ALG1L2: variants seen among roughly 807,000 people sequenced by gnomAD.
ALG1L2 encodes the protein ALG1 chitobiosyldiphosphodolichol beta-mannosyltransferase like 2.
ALG1L2 carries 32 observed loss-of-function variants against 29.0 expected under a neutral mutation model. The observed-to-expected ratio is 1.10, with a 90% CI of 0.83 to 1.48. ALG1L2 has a LOEUF of 1.48. Ranked by LOEUF, ALG1L2 falls within the 40% of genes most tolerant of loss-of-function variation. The probability of loss-of-function intolerance (pLI) is 0.00; values close to 1 mark genes in which losing one functional copy is unlikely to be tolerated. For missense variants in ALG1L2, 318 were observed against 274.1 expected, an observed-to-expected ratio of 1.16 and a Z score of -1.13; for synonymous variants, 110 against 109.5, an observed-to-expected ratio of 1.00 and a Z score of -0.03.
chr3:130,090,665 A>AT (rs1189577571), intron 1 of ALG1L2: 1 of 152,808 alleles, frequency 6.5e-6, no homozygotes, highest in African/African-American at 2.4e-5. Context: ...AAAGCTCTCG[A>AT]TTAATATACC....
chr3:130,097,121 G>C, intron 6 of ALG1L2, 54 bp from the exon 7 acceptor site: 2 of 1,603,974 alleles, frequency 1.2e-6, no homozygotes, highest in South Asian at 1.1e-5. Flanking sequence ...GGGCACCCCA[G>C]GGGTCTAGTG....
rs376901454 is a variant in ALG1L2 at position 130,092,161 on chromosome 3, C to T, written c.192C>T (p.Ser64=). ...CCTTCACGGAGCGGGATTCTGGGAG[C>T]GGGCTGGTGACGCGTCTCCACGAGC... ...RSAFTERDSG[S]GLVTRLHERP... The change falls in exon 3 of 8, where the codon AGC becomes AGT. Residue 64 remains serine, a synonymous_variant. Coordinates refer to ENST00000425059, the MANE Select transcript of ALG1L2 (RefSeq NM_001136152.1). 85 of 1,613,372 alleles carry T rather than the reference C, an allele frequency of 5.3e-5. No homozygotes were observed. In the South Asian group the frequency reaches 7.6e-4, roughly 14 times the overall value.
chr3:130,092,850 G>A (rs1935046997), intron 3 of ALG1L2, among the ~76,000 whole-genome samples: 1 of 152,048 alleles, frequency 6.6e-6, no homozygotes, highest in Non-Finnish European at 1.5e-5. Flanking sequence ...GGCCAACATG[G>A]CGAAACCTGT....
chr3:130,094,492 C>G lies in ALG1L2; in HGVS notation c.403C>G (p.Arg135Gly), dbSNP rs757397608. 3 of 1,594,706 alleles carry G rather than the reference C, an allele frequency of 1.9e-6. No individual in the cohort carries two copies. Among genetic ancestry groups the G allele is most frequent in the South Asian group, 1.1e-5 (1 of 90,938 alleles). Residue 135 changes from arginine (R) to glycine (G), a missense_variant, in exon 5 of 8, where the codon CGA becomes GGA. Coordinates refer to ENST00000425059, the MANE Select transcript of ALG1L2 (RefSeq NM_001136152.1). ...GGTCTGCATCCCCTGGCTGGAGGGC[C>G]GAGGACTACCCCCGCTTCTAGGTGA... ...IQVCIPWLEG[R>G]GLPPLLGSVD...
intron 1 of ALG1L2, among the ~76,000 whole-genome samples, chr3:130,087,387 C>T (rs1477948516): frequency 1.4e-5 from 2 of 147,948 alleles, no homozygotes; most frequent in Non-Finnish European, 3.0e-5. Context: ...AGGATCTGTT[C>T]CAGGCTAAAA....
chr3:130,084,913 AG>A, intron 1 of ALG1L2, among the ~76,000 whole-genome samples: 1 of 129,596 alleles, frequency 7.7e-6, no homozygotes, highest in South Asian at 2.4e-4. Context: ...ACATATATGT[AG>A]TGTGTGTGTG....
At position 130,091,205 on chromosome 3, in the gene ALG1L2, A is replaced by G. The variant is rs535664290; in HGVS notation, c.21-56A>G. On this transcript the variant is annotated intron_variant, in intron 1 of 7. Coordinates refer to ENST00000425059, the MANE Select transcript of ALG1L2 (RefSeq NM_001136152.1). ...TGGAACCCAAATGAGTGGTTTGAGC[A>G]GAAAGTAGCCTCCATGCTGGACTAA... 135 of 1,541,496 alleles carry G rather than the reference A, an allele frequency of 8.8e-5. No homozygotes were observed. The East Asian group carries it at 3.0e-3, about 34-fold the overall frequency.
chr3:130,088,508 C>T (rs905609761), intron 1 of ALG1L2, among the ~76,000 whole-genome samples: 4 of 152,306 alleles, frequency 2.6e-5, no homozygotes, highest in Non-Finnish European at 4.4e-5. Context: ...ACCTCTGCCT[C>T]CTGGATTTAA....
At position 130,092,026 on chromosome 3, in the gene ALG1L2, C is replaced by T. The variant is rs754835387; in HGVS notation, c.132-75C>T. 121 of 1,585,594 alleles carry T rather than the reference C, an allele frequency of 7.6e-5. 1 individual carries two copies. The highest frequency in any genetic ancestry group is 2.6e-4 in the South Asian group (23 of 87,794). On this transcript the variant is annotated intron_variant, in intron 2 of 7. Transcript: ENST00000425059. Reference sequence around the variant, plus strand: ...ACCGTTGGGAGCCTGCAGGCCTCACCATGGCAGGAGATGCCCGTTCTGGGT... The same window carrying T: ...ACCGTTGGGAGCCTGCAGGCCTCACTATGGCAGGAGATGCCCGTTCTGGGT...
intron 1 of ALG1L2, among the ~76,000 whole-genome samples, chr3:130,090,309 T>G (rs111503935): frequency 2.6e-5 from 4 of 152,086 alleles, no homozygotes; most frequent in African/African-American, 9.6e-5. Flanking sequence ...GAGCTGAGAT[T>G]GCACCAAGGC....
chr3:130,095,958 C>G, intron 5 of ALG1L2, 91 bp from the exon 6 acceptor site: 1 of 1,380,612 alleles, frequency 7.2e-7, no homozygotes, highest in Middle Eastern at 2.5e-4. Context: ...AATTTTCACT[C>G]CCCTCGGGGG....
chr3:130,096,309 G>A (rs112238816), intron 6 of ALG1L2, 146 bp downstream of exon 6: 18 of 776,946 alleles, frequency 2.3e-5, no homozygotes, highest in Admixed American at 1.7e-4. Flanking sequence ...GGAGCCCTGC[G>A]GTTACTGTGG....
intron 1 of ALG1L2, among the ~76,000 whole-genome samples, chr3:130,086,525 A>G (rs1934893470): frequency 2.0e-5 from 3 of 149,880 alleles, no homozygotes; most frequent in African/African-American, 7.5e-5. Flanking sequence ...TAAATAAAAT[A>G]AATTAGCCAG....
intron 7 of ALG1L2, 30 bp from the exon 8 acceptor site, chr3:130,098,193 A>C (rs1167452442): frequency 5.6e-6 from 9 of 1,596,084 alleles, no homozygotes; most frequent in Non-Finnish European, 7.6e-6. Flanking sequence ...TGGGGTGGGG[A>C]CAGGCAATGA....
At chr3:130,095,600 C>G (rs1935112964) in intron 5 of ALG1L2, among the ~76,000 whole-genome samples, 1 of 151,030 alleles carries the variant, frequency 6.6e-6, no homozygotes, top group Non-Finnish European at 1.5e-5. Context: ...TGACGCTTCG[C>G]TAATTTTACA....
intron 1 of ALG1L2, among the ~76,000 whole-genome samples, chr3:130,087,483 G>A (rs1404204538): frequency 3.7e-5 from 5 of 135,688 alleles, no homozygotes; most frequent in Non-Finnish European, 8.5e-5. Context: ...GTTAACTGGC[G>A]AAATCTGAAT....
chr3:130,092,573 G>A (rs545211097), intron 3 of ALG1L2, among the ~76,000 whole-genome samples: 8 of 152,254 alleles, frequency 5.3e-5, no homozygotes, highest in African/African-American at 1.9e-4. Flanking sequence ...AGTAGGGGTG[G>A]TGGAGGTGGG....
chr3:130,091,262 G>T lies in ALG1L2; in HGVS notation c.22G>T (p.Ala8Ser), dbSNP rs753068506. MGATAGW[A>S]VTVYDKPASF... is the part of the protein sequence containing the mutation. ...AGCCCTGCCATGATTTCATTGCAGG[G>T]CTGTGACCGTCTACGACAAGCCGGC... is the stretch of plus-strand genomic sequence containing the variant. Residue 8 changes from alanine to serine, a missense_variant and splice_region_variant, in exon 2 of 8, where the codon GCT becomes TCT. By Grantham distance (99) the Ala-to-Ser change is moderately conservative. Transcript: ENST00000425059. 2 of 1,598,910 alleles carry T rather than the reference G, an allele frequency of 1.3e-6. No individual in the cohort carries two copies. Among genetic ancestry groups the T allele is most frequent in the Non-Finnish European group, 1.7e-6 (2 of 1,179,448 alleles).
intron 1 of ALG1L2, among the ~76,000 whole-genome samples, chr3:130,083,893 G>A (rs1327542746): frequency 8.7e-5 from 13 of 149,946 alleles, no homozygotes; most frequent in Admixed American, 2.7e-4. Context: ...AGGGTTGGTC[G>A]TGGGGATGTG....
Sources: allele counts gnomAD v4.1 joint callset (sites outside exome capture counted in the v4.1 genomes callset), GRCh38; gene constraint gnomAD v4.1.1; transcripts MANE v1.5; gene names NCBI Gene and HGNC (gene_info 2026-07-23, HGNC 2026-07-21).